GPM6A: variants seen among roughly 807,000 people sequenced by gnomAD.
The protein encoded by GPM6A is glycoprotein M6A.
A neutral mutation model predicts 32.1 loss-of-function variants in GPM6A; 7 were observed. The ratio of observed to expected loss-of-function variants is 0.22; its 90% CI spans 0.12 to 0.41. The LOEUF (loss-of-function observed/expected upper bound fraction) is 0.41. Among genes scored for constraint, GPM6A ranks in the 10% least tolerant of loss-of-function variants. The pLI, the probability that GPM6A is intolerant of heterozygous loss-of-function variation, is 1.00. For missense variants in GPM6A, 235 were observed against 347.2 expected, an observed-to-expected ratio of 0.68 and a Z score of 2.57; for synonymous variants, 130 against 123.4, an observed-to-expected ratio of 1.05 and a Z score of -0.35.
chr4:175,968,469 T>C (rs1399778875), intron 1 of GPM6A, among the ~76,000 whole-genome samples: 14 of 152,146 alleles, frequency 9.2e-5, no homozygotes. Flanking sequence ...CAAAAGATGC[T>C]GTAAAGAGAA....
At chr4:175,916,785 C>T (rs1048840173) in intron 1 of GPM6A, among the ~76,000 whole-genome samples, 8 of 152,142 alleles carry the variant, frequency 5.3e-5, no homozygotes, top group Non-Finnish European at 1.0e-4. Context: ...AGCAGTCAAG[C>T]GTTTCAGGTA....
In GPM6A at chr4:175,835,125, A is replaced by G. The variant is rs62336145; in HGVS notation, c.-22-22876T>C. Among the ~76,000 whole-genome samples the G allele has an allele frequency of 3.8e-3, 572 of 152,326 alleles. 6 individuals carry two copies. Among genetic ancestry groups the G allele is most frequent in the South Asian group, 0.036 (173 of 4,832 alleles). The stretch of plus-strand genomic sequence containing the variant: ...AAAAATTGCCAATTATTGGGAGTTC[A>G]GAAATCCCCAATAAGACAGCATAGC... On this transcript the variant is annotated intron_variant, in intron 1 of 7. Transcript: ENST00000280187.
chr4:175,650,546 G>A (rs1741742709), intron 4 of GPM6A, among the ~76,000 whole-genome samples: 2 of 151,988 alleles, frequency 1.3e-5, no homozygotes, highest in Admixed American at 6.6e-5. Context: ...CTTAGGTGAT[G>A]TGCCTGCCTT....
At chr4:175,934,661 T>C (rs1248915962) in intron 1 of GPM6A, among the ~76,000 whole-genome samples, 1 of 152,156 alleles carries the variant, frequency 6.6e-6, no homozygotes, top group Non-Finnish European at 1.5e-5. Flanking sequence ...TAAAAATAAA[T>C]ATAAAAAAGA....
chr4:175,917,205 G>T (rs772382156), intron 1 of GPM6A, among the ~76,000 whole-genome samples: 1 of 152,064 alleles, frequency 6.6e-6, no homozygotes, highest in Non-Finnish European at 1.5e-5. Context: ...TAAAGCAAGC[G>T]AATGGGTCCC....
Position 175,722,149 on chromosome 4 carries a change from C to T in GPM6A, c.38-20382G>A, listed in dbSNP as rs368580955. ...AAAAAGTACAAAAATTAGCCTGGTGCGGGGGTGTGCACTTGTAGTCCCAGC... is the reference window on the plus strand; with the variant it reads ...AAAAAGTACAAAAATTAGCCTGGTGTGGGGGTGTGCACTTGTAGTCCCAGC... On this transcript the variant is annotated intron_variant, in intron 1 of 6. Transcript: ENST00000393658. 4.0e-5 allele frequency among the ~76,000 whole-genome samples: 6 copies of T among 151,814 alleles called. No individual in the cohort carries two copies. In the East Asian group the frequency reaches 5.8e-4, roughly 15 times the overall value.
chr4:175,783,868 A>G (rs1294061362), intron 1 of GPM6A, among the ~76,000 whole-genome samples: 2 of 152,080 alleles, frequency 1.3e-5, no homozygotes, highest in Admixed American at 6.5e-5. Flanking sequence ...GCCTCAGAGT[A>G]TCTCTCTGAA....
At chr4:175,836,951 T>C (rs1735787920) in intron 1 of GPM6A, among the ~76,000 whole-genome samples, 1 of 152,180 alleles carries the variant, frequency 6.6e-6, no homozygotes, top group African/African-American at 2.4e-5. Flanking sequence ...CATGTAAATA[T>C]ATTACTTCAC....
intron 4 of GPM6A, among the ~76,000 whole-genome samples, chr4:175,642,310 G>C (rs1741195536): frequency 6.6e-6 from 1 of 152,132 alleles, no homozygotes; most frequent in African/African-American, 2.4e-5. Flanking sequence ...ATCCATTACA[G>C]ACTTTATTTT....
chr4:175,971,975 T>A (rs1180951507), intron 1 of GPM6A: 2 of 152,172 alleles, frequency 1.3e-5, no homozygotes, highest in African/African-American at 4.8e-5. Flanking sequence ...GGCATGCAGC[T>A]GAGTACATTG....
rs1560842147 is a variant in GPM6A, at chr4:175,637,357, A to ATT, written c.685-2301_685-2300insAA. On this transcript the variant is annotated intron_variant, in intron 6 of 6. Transcript: ENST00000393658. ...TATTATATATTATATAAAAATATAT[A>ATT]ATATATAACATATAATATATTATAT... is the stretch of plus-strand genomic sequence containing the variant. 1.9e-4 allele frequency among the ~76,000 whole-genome samples: 12 copies of ATT among 64,160 alleles called. 2 individuals are homozygous for ATT. The highest frequency in any genetic ancestry group is 8.8e-4 in the African/African-American group (12 of 13,562). The allele number at this position is 64,160 out of a possible 152,430, so 42.1% of individuals were successfully genotyped here. A position where few individuals can be genotyped will look rare whatever the true frequency, so the allele number is the denominator to read the frequency against.
intron 2 of GPM6A, among the ~76,000 whole-genome samples, chr4:175,684,236 T>G (rs972547380): frequency 6.6e-6 from 1 of 152,220 alleles, no homozygotes; most frequent in Admixed American, 6.5e-5. Flanking sequence ...TTTCTTCTAG[T>G]TTGCCATTTG....
chr4:175,918,508 CA>C (rs72034279), intron 1 of GPM6A, among the ~76,000 whole-genome samples: 28 of 149,684 alleles, frequency 1.9e-4, no homozygotes, highest in Admixed American at 4.0e-4. Context: ...TCCTTAACAA[CA>C]AAAAAAAAAA....
At chr4:175,994,682 G>A (rs1741250271) in intron 1 of GPM6A, among the ~76,000 whole-genome samples, 1 of 152,182 alleles carries the variant, frequency 6.6e-6, no homozygotes, top group African/African-American at 2.4e-5. Flanking sequence ...GGTGGTTGCT[G>A]AAGGTGGTTG....
intron 6 of GPM6A, among the ~76,000 whole-genome samples, chr4:175,637,111 A>G (rs1281302782): frequency 7.8e-6 from 1 of 128,640 alleles, no homozygotes; most frequent in African/African-American, 3.0e-5. Flanking sequence ...AATATATTAT[A>G]TGTGATATAT....
chr4:175,943,740 G>C (rs752389484), intron 1 of GPM6A, among the ~76,000 whole-genome samples: 1 of 152,104 alleles, frequency 6.6e-6, no homozygotes, highest in African/African-American at 2.4e-5. Flanking sequence ...CAATGTGATT[G>C]TGGTGGATAA....
At chr4:175,637,674 A>ATAT (rs1491248017) in intron 6 of GPM6A, among the ~76,000 whole-genome samples, 6 of 5,312 alleles carry the variant, frequency 1.1e-3, no homozygotes, top group Non-Finnish European at 7.5e-3. Context: ...TAATATATAT[A>ATAT]ATATATATAT....
chr4:175,887,670 G>C (rs928686394), intron 1 of GPM6A, among the ~76,000 whole-genome samples: 3 of 151,324 alleles, frequency 2.0e-5, no homozygotes, highest in Non-Finnish European at 3.0e-5. Flanking sequence ...AAGGAGGAAA[G>C]GTAAAGTATT....
intron 1 of GPM6A, among the ~76,000 whole-genome samples, chr4:175,951,061 A>G (rs1444052309): frequency 6.6e-6 from 1 of 152,122 alleles, no homozygotes; most frequent in African/African-American, 2.4e-5. Flanking sequence ...ATTCCAAGTG[A>G]CCACTGGGAA....
Sources: gnomAD v4.1 joint callset for allele counts (sites outside exome capture counted in the v4.1 genomes callset) on GRCh38, gnomAD v4.1.1 for gene constraint, MANE v1.5 for transcripts, NCBI Gene and HGNC (gene_info 2026-07-23, HGNC 2026-07-21) for gene names.